RAPH1: variants seen among roughly 807,000 people sequenced by gnomAD.
RAPH1 encodes the protein ras-associated and pleckstrin homology domains-containing protein 1.
In RAPH1, 18 loss-of-function variants were observed where a neutral mutation model predicts 88.1. That is an observed-to-expected ratio of 0.20 (90% CI 0.14 to 0.30). The LOEUF (loss-of-function observed/expected upper bound fraction) is 0.30. Among genes scored for constraint, RAPH1 ranks in the 10% least tolerant of loss-of-function variants. RAPH1 has a pLI of 1.00. For missense variants in RAPH1, 1,448 were observed against 1,543.2 expected (o/e 0.94, Z 1.03); for synonymous variants, 587 against 559.0 (o/e 1.05, Z -0.71).
intron 1 of RAPH1, among the ~76,000 whole-genome samples, chr2:203,515,441 GTTC>G (rs1469613758): frequency 6.6e-6 from 1 of 152,168 alleles, no homozygotes; most frequent in Non-Finnish European, 1.5e-5. Flanking sequence ...TAGCTAAAAG[GTTC>G]ACATGAATGG....
At chr2:203,463,201 CAAA>C (rs71007520) in intron 4 of RAPH1, among the ~76,000 whole-genome samples, 4 of 114,510 alleles carry the variant, frequency 3.5e-5, no homozygotes, top group African/African-American at 3.0e-5. Flanking sequence ...GACTCCATCT[CAAA>C]AAAAAAAAAA....
Position 203,438,765 on chromosome 2 carries a change from A to T in RAPH1, c.*672T>A, listed in dbSNP as rs2098500525. The T allele has an allele frequency of 6.5e-6, 1 of 154,544 alleles. No individual in the cohort carries two copies. Among genetic ancestry groups the T allele is most frequent in the East Asian group, 1.9e-4 (1 of 5,240 alleles). The allele number at this position is 154,544 out of a possible 1,614,324, so 9.6% of individuals were successfully genotyped here. On this transcript the variant is annotated 3_prime_UTR_variant, in exon 14 of 14. Coordinates refer to ENST00000319170, the MANE Select transcript of RAPH1 (RefSeq NM_213589.3). Reference sequence around the variant, plus strand: ...CGCCATGTATTTACTTTCTATGCACAACCACATACAGATGATGTCTGTGAA... The same window carrying T: ...CGCCATGTATTTACTTTCTATGCACTACCACATACAGATGATGTCTGTGAA...
In RAPH1 at chr2:203,535,258, G is replaced by GTGACTGACTGAC. The variant is rs373101454; in HGVS notation, c.-160_-149dup. The GTGACTGACTGAC allele has an allele frequency of 7.3e-4, 107 of 146,638 alleles. 1 individual carries two copies. Among genetic ancestry groups the GTGACTGACTGAC allele is most frequent in the South Asian group, 3.1e-3 (16 of 5,198 alleles). The allele number at this position is 146,638 out of a possible 1,614,324, so 9.1% of individuals were successfully genotyped here. A position where few individuals can be genotyped will look rare whatever the true frequency, so the allele number is the denominator to read the frequency against. On this transcript the variant is annotated 5_prime_UTR_variant, in exon 1 of 14. Coordinates refer to ENST00000319170, the MANE Select transcript of RAPH1 (RefSeq NM_213589.3). Reference sequence around the variant, plus strand: ...CAGCAGCTCCCGCGCCGCGCGCTCAGTGACTGACTGACTGACTGACTGACT... The same window carrying GTGACTGACTGAC: ...CAGCAGCTCCCGCGCCGCGCGCTCAGTGACTGACTGACTGACTGACTGACTGACTGACTGACT...
chr2:203,459,006 T>A (rs1454795393), intron 7 of RAPH1, among the ~76,000 whole-genome samples: 1 of 151,966 alleles, frequency 6.6e-6, no homozygotes, highest in African/African-American at 2.4e-5. Flanking sequence ...CTGTGATCCA[T>A]CCACCTCAGA....
intron 4 of RAPH1, among the ~76,000 whole-genome samples, chr2:203,476,673 A>G (rs1396430098): frequency 6.6e-6 from 1 of 152,218 alleles, no homozygotes; most frequent in Non-Finnish European, 1.5e-5. Flanking sequence ...AAAAATGACC[A>G]AAGAATAAAT....
rs568509306 is a variant in RAPH1, at chr2:203,439,162, G to A, written c.*275C>T. ...CTATGCCTCTTCCACCCAAAATACAGAACACCCATTTTCAGATTAGGAGAG... is the reference window on the plus strand; with the variant it reads ...CTATGCCTCTTCCACCCAAAATACAAAACACCCATTTTCAGATTAGGAGAG... On this transcript the variant is annotated 3_prime_UTR_variant, in exon 14 of 14. Coordinates refer to ENST00000319170, the MANE Select transcript of RAPH1 (RefSeq NM_213589.3). 5.9e-6 allele frequency: 2 copies of A among 341,502 alleles called. No individual in the cohort carries two copies. Among genetic ancestry groups the A allele is most frequent in the South Asian group, 1.4e-4 (2 of 14,216 alleles). The allele number at this position is 341,502 out of a possible 1,614,324, so 21.2% of individuals were successfully genotyped here.
intron 2 of RAPH1, among the ~76,000 whole-genome samples, chr2:203,494,305 CAT>C (rs1245346923): frequency 6.6e-6 from 1 of 152,104 alleles, no homozygotes; most frequent in Non-Finnish European, 1.5e-5. Flanking sequence ...ATTTAATAAA[CAT>C]AACCATCTTC....
intron 7 of RAPH1, among the ~76,000 whole-genome samples, chr2:203,457,950 A>G (rs958135990): frequency 6.6e-6 from 1 of 152,266 alleles, no homozygotes; most frequent in Non-Finnish European, 1.5e-5. Flanking sequence ...AAGTACAACA[A>G]GTAAGGCAAA....
At chr2:203,443,312 T>G (rs746852552) in intron 13 of RAPH1, 25 of 152,200 alleles carry the variant, frequency 1.6e-4, no homozygotes, top group Non-Finnish European at 2.9e-4. Context: ...AATAAAATAG[T>G]TGAGCCCAGG....
At chr2:203,484,096 A>T (rs1307710762) in intron 4 of RAPH1, among the ~76,000 whole-genome samples, 1 of 152,172 alleles carries the variant, frequency 6.6e-6, no homozygotes, top group Non-Finnish European at 1.5e-5. Context: ...TCTCTGGAGA[A>T]ATATAATACA....
At chr2:203,451,661 A>T (rs1039920511) in intron 10 of RAPH1, among the ~76,000 whole-genome samples, 1 of 152,236 alleles carries the variant, frequency 6.6e-6, no homozygotes, top group Non-Finnish European at 1.5e-5. Context: ...AAACAGATGA[A>T]TACCTATTAA....
At chr2:203,475,286 A>T (rs1222013313) in intron 4 of RAPH1, among the ~76,000 whole-genome samples, 1 of 152,156 alleles carries the variant, frequency 6.6e-6, no homozygotes, top group African/African-American at 2.4e-5. Flanking sequence ...GGGTGCCTGT[A>T]GTCTCACCTA....
Position 203,506,866 on chromosome 2 carries a change from A to ATATATATCTC in RAPH1, c.1-11514_1-11513insGAGATATATA, listed in dbSNP as rs1689094239. Among the ~76,000 whole-genome samples, 21 of 90,662 alleles carry ATATATATCTC rather than the reference A, an allele frequency of 2.3e-4. 2 individuals carry two copies. The highest frequency in any genetic ancestry group is 2.9e-4 in the Non-Finnish European group (15 of 51,498). 59.5% of individuals were successfully genotyped at this position (90,662 alleles called of 152,430 possible). On this transcript the variant is annotated intron_variant, in intron 1 of 13. Transcript: ENST00000319170. Reference sequence around the variant, plus strand: ...TATATCTATCTATATCTATATATATATATATATATATATAGATATATATAT... The same window carrying ATATATATCTC: ...TATATCTATCTATATCTATATATATATATATATCTCTATATATATATATAGATATATATAT...
intron 1 of RAPH1, among the ~76,000 whole-genome samples, chr2:203,531,080 C>A (rs570728723): frequency 6.6e-6 from 1 of 152,124 alleles, no homozygotes; most frequent in Non-Finnish European, 1.5e-5. Flanking sequence ...AAAAATTAAT[C>A]CCAAATGGAT....
chr2:203,503,641 A>G (rs1354752551), intron 1 of RAPH1, among the ~76,000 whole-genome samples: 1 of 152,042 alleles, frequency 6.6e-6, no homozygotes, highest in African/African-American at 2.4e-5. Context: ...ACATTTCAAA[A>G]CCAATCATGC....
intron 1 of RAPH1, among the ~76,000 whole-genome samples, chr2:203,534,678 C>T (rs999692279): frequency 3.3e-5 from 5 of 152,204 alleles, no homozygotes; most frequent in Non-Finnish European, 7.3e-5. Context: ...CTGAACTCAT[C>T]TATGAAAGAT....
chr2:203,465,723 C>G (rs1425292757), intron 4 of RAPH1, among the ~76,000 whole-genome samples: 1 of 152,024 alleles, frequency 6.6e-6, no homozygotes, highest in Non-Finnish European at 1.5e-5. Flanking sequence ...CTAAAAACAC[C>G]AAAATTAGCT....
chr2:203,470,461 CCA>C lies in RAPH1; in HGVS notation c.733-8538_733-8537del, dbSNP rs553000155. On this transcript the variant is annotated intron_variant, in intron 4 of 13. Coordinates refer to ENST00000319170, the MANE Select transcript of RAPH1 (RefSeq NM_213589.3). Reference sequence around the variant, plus strand: ...TTTCCCTAAGTTGAGTGAAATATCTCCACAAAGAAAATGTAAAAAAAGAAAAA... The same window carrying C: ...TTTCCCTAAGTTGAGTGAAATATCTCCAAAGAAAATGTAAAAAAAGAAAAA... 457 of 539,588 alleles carry C rather than the reference CCA, an allele frequency of 8.5e-4. 1 individual carries two copies. Among genetic ancestry groups the C allele is most frequent in the Non-Finnish European group, 1.3e-3 (403 of 309,372 alleles). 33.4% of individuals were successfully genotyped at this position (539,588 alleles called of 1,614,324 possible).
rs1229397504 is a variant in RAPH1 at position 203,441,256 on chromosome 2, G to A, written c.1934C>T (p.Pro645Leu). The A allele has an allele frequency of 2.2e-6, 3 of 1,360,928 alleles. No homozygotes were observed. The highest frequency in any genetic ancestry group is 3.0e-6 in the Non-Finnish European group (3 of 999,142). The allele number at this position is 1,360,928 out of a possible 1,614,324, so 84.3% of individuals were successfully genotyped here. A position where few individuals can be genotyped will look rare whatever the true frequency, so the allele number is the denominator to read the frequency against. Residue 645 changes from proline (P) to leucine (L), a missense_variant, in exon 14 of 14, where the codon CCT (proline) becomes CTT (leucine). Physicochemically the swap from Pro to Leu is moderately conservative, Grantham distance 98. Around this residue, in one of 2 missense-constraint regions of RAPH1, gnomAD observed 935 missense variants for 890.1 expected, o/e 1.05. Coordinates refer to ENST00000319170, the MANE Select transcript of RAPH1 (RefSeq NM_213589.3). ...PPPPPPPPPP[P>L]PPPLPSQSAP... ...AGACTGGCTGGGGAGTGGGGGAGGA[G>A]GGGGTGGTGGAGGGGGTGGTGGAGG... is the stretch of plus-strand genomic sequence containing the variant.
Sources: gnomAD v4.1 joint callset for allele counts (sites outside exome capture counted in the v4.1 genomes callset) on GRCh38, gnomAD v4.1.1 for gene constraint, gnomAD v4.1.1 regional missense constraint, MANE v1.5 for transcripts, NCBI Gene and HGNC (gene_info 2026-07-23, HGNC 2026-07-21) for gene names.